The following SPRR1A variants were observed in gnomAD, a reference collection of about 807,000 sequenced individuals.
SPRR1A encodes small proline rich protein 1A, also known as cornifin-A.
For missense variants in SPRR1A, 123 were observed against 105.4 expected, an observed-to-expected ratio of 1.17 and a Z score of -0.73; for synonymous variants, 40 against 39.2, an observed-to-expected ratio of 1.02 and a Z score of -0.07.
chr1:152,985,120 C>T (rs1355340313), upstream of SPRR1A: 6 of 1,444,830 alleles, frequency 4.2e-6, no homozygotes, highest in South Asian at 2.8e-5. Flanking sequence ...AAGGCTTTCT[C>T]TTCTAAAGGG....
exon 1 of SPRR1A, chr1:152,985,383 C>T (rs1611763): frequency 6.4e-7 from 1 of 1,573,080 alleles, no homozygotes; most frequent in Non-Finnish European, 8.7e-7. Context: ...CCTGCCACCC[C>T]AAAGTGCCTG....
exon 1 of SPRR1A, chr1:152,985,475 C>T: frequency 6.2e-7 from 1 of 1,613,596 alleles, no homozygotes; most frequent in Non-Finnish European, 8.5e-7. Context: ...CCAGCACCAG[C>T]CCAGCAGAAG....
Position 152,985,344 on chromosome 1 carries a change from GGAGCCCTGCCACCCCAAGGTGCCT to G in SPRR1A, c.132_155del (p.His50_Cys57del), listed in dbSNP as rs17882377. 3.7e-3 allele frequency: 5,948 copies of G among 1,613,274 alleles called. 199 individuals carry two copies. In the African/African-American group the frequency reaches 0.07, roughly 19 times the overall value. ...AGGAACCATGCATCCCCAAAACCAA[GGAGCCCTGCCACCCCAAGGTGCCT>G]GAGCCCTGCCACCCCAAAGTGCCTG... On this transcript the variant is annotated inframe_deletion, in exon 1 of 1. Coordinates refer to ENST00000368762, the Ensembl canonical transcript of SPRR1A.
At chr1:152,985,359 C>G in exon 1 of SPRR1A, 1 of 1,563,550 alleles carries the variant, frequency 6.4e-7, no homozygotes, top group Non-Finnish European at 8.7e-7. Flanking sequence ...CCTGCCACCC[C>G]AAGGTGCCTG....
chr1:152,985,532 G>T, downstream of SPRR1A: 1 of 1,591,206 alleles, frequency 6.3e-7, no homozygotes, highest in Non-Finnish European at 8.6e-7. Flanking sequence ...TGAGGAGCTG[G>T]CCACTGGATA....
upstream of SPRR1A, among the ~76,000 whole-genome samples, chr1:152,984,087 C>T (rs1314365410): frequency 6.6e-6 from 1 of 152,108 alleles, no homozygotes; most frequent in Non-Finnish European, 1.5e-5. Flanking sequence ...TCACACCAAA[C>T]CCAAGGGACC....
upstream of SPRR1A, among the ~76,000 whole-genome samples, chr1:152,984,871 G>A (rs1226468060): frequency 7.9e-5 from 12 of 152,168 alleles, no homozygotes. Context: ...GAGGAAAGTG[G>A]TCTGATGCCA....
upstream of SPRR1A, among the ~76,000 whole-genome samples, chr1:152,984,637 T>C (rs962538976): frequency 6.6e-6 from 1 of 152,040 alleles, no homozygotes; most frequent in African/African-American, 2.4e-5. Context: ...ATGACGGAGA[T>C]GGGCAGAGAA....
upstream of SPRR1A, chr1:152,985,190 T>G (rs1247832993): frequency 6.4e-7 from 1 of 1,553,926 alleles, no homozygotes; most frequent in African/African-American, 1.4e-5. Context: ...ATTGAATCAC[T>G]GTGTCAGCTT....
downstream of SPRR1A, chr1:152,985,543 C>T (rs1611765): frequency 6.3e-7 from 1 of 1,579,352 alleles, no homozygotes; most frequent in Admixed American, 1.8e-5. Flanking sequence ...CCACTGGATA[C>T]TGAACACCCT....
At chr1:152,984,925 C>T (rs1235699916), upstream of SPRR1A, among the ~76,000 whole-genome samples, 1 of 152,144 alleles carries the variant, frequency 6.6e-6, no homozygotes, top group Non-Finnish European at 1.5e-5. Context: ...CCCTCAGAAG[C>T]CAGCTTTAGT....
At chr1:152,985,089 T>C (rs1652265340), upstream of SPRR1A, 3 of 1,193,226 alleles carry the variant, frequency 2.5e-6, no homozygotes, top group Admixed American at 2.8e-5. Flanking sequence ...TTAAATGTAA[T>C]GGGGGAGTTA....
chr1:152,984,177 T>C (rs368767495), upstream of SPRR1A, among the ~76,000 whole-genome samples: 13 of 152,202 alleles, frequency 8.5e-5, no homozygotes, highest in African/African-American at 3.1e-4. Flanking sequence ...TTTTCATTAT[T>C]AGAAATTAGC....
chr1:152,984,904 G>A (rs866207895), upstream of SPRR1A, among the ~76,000 whole-genome samples: 30 of 152,216 alleles, frequency 2.0e-4, no homozygotes, highest in South Asian at 8.3e-4. Context: ...CCTAATATGC[G>A]GACCTCATGT....
chr1:152,985,590 C>A, downstream of SPRR1A: 2 of 1,522,998 alleles, frequency 1.3e-6, no homozygotes, highest in East Asian at 4.5e-5. Context: ...TGCCTATTGA[C>A]CCTGCAGTTA....
At chr1:152,985,547 A>G (rs370341601), downstream of SPRR1A, 30 of 1,577,668 alleles carry the variant, frequency 1.9e-5, no homozygotes, top group African/African-American at 4.1e-4. Context: ...TGGATACTGA[A>G]CACCCTACTC....
rs746266959 is a variant in SPRR1A at position 152,985,443 on chromosome 1, G to A, written c.213G>A (p.Glu71=). 2.1e-5 allele frequency: 34 copies of A among 1,613,816 alleles called. No homozygotes were observed. The South Asian group carries it at 3.5e-4, about 17-fold the overall frequency. Reference sequence around the variant, plus strand: ...AGCCCTGCCAGCCCAAGGTGCCTGAGCCCTGCCCTTCAACGGTCACTCCAG... The same window carrying A: ...AGCCCTGCCAGCCCAAGGTGCCTGAACCCTGCCCTTCAACGGTCACTCCAG... Residue 71 remains glutamate (E), a synonymous_variant, in exon 1 of 1, where the codon GAG becomes GAA. Transcript: ENST00000368762.
At chr1:152,985,540 A>G (rs891172933), downstream of SPRR1A, 1 of 1,584,448 alleles carries the variant, frequency 6.3e-7, no homozygotes, top group Middle Eastern at 1.7e-4. Context: ...TGGCCACTGG[A>G]TACTGAACAC....
chr1:152,985,307 A>C (rs1400897044), exon 1 of SPRR1A: 1 of 1,613,790 alleles, frequency 6.2e-7, no homozygotes, highest in Non-Finnish European at 8.5e-7. Context: ...CAACCTTGCC[A>C]GCCTCCACCC....
Sources: gnomAD v4.1 joint callset for allele counts (sites outside exome capture counted in the v4.1 genomes callset) on GRCh38, gnomAD v4.1.1 for gene constraint, MANE v1.5 for transcripts, NCBI Gene and HGNC (gene_info 2026-07-23, HGNC 2026-07-21) for gene names.